Variants in MRC1 observed in about 807,000 individuals in gnomAD.
MRC1 encodes macrophage mannose receptor 1.
Under a neutral mutation model 102.9 loss-of-function variants are expected in MRC1, and 62 were observed. The observed-to-expected ratio is 0.60, with a 90% CI of 0.49 to 0.74. The LOEUF is 0.74. Ranked by LOEUF, MRC1 falls within the 30% of genes least tolerant of loss-of-function variation. The pLI is 0.00. For missense variants in MRC1, 1,237 were observed against 862.8 expected (o/e 1.43, Z -5.43); for synonymous variants, 457 against 298.4 (o/e 1.53, Z -5.48).
chr10:17,865,057 G>A (rs1459666730), intron 11 of MRC1, among the ~76,000 whole-genome samples: 2 of 152,256 alleles, frequency 1.3e-5, no homozygotes, highest in African/African-American at 4.8e-5. Context: ...TTTTTATACA[G>A]TGATATCACT....
At chr10:17,857,287 A>G (rs1833106826) in intron 9 of MRC1, among the ~76,000 whole-genome samples, 1 of 152,250 alleles carries the variant, frequency 6.6e-6, no homozygotes, top group East Asian at 1.9e-4. Flanking sequence ...AGGCAAGGGT[A>G]GAACCCAGGT....
intron 5 of MRC1, among the ~76,000 whole-genome samples, chr10:17,842,102 A>G (rs1300373540): frequency 6.6e-6 from 1 of 152,094 alleles, no homozygotes; most frequent in Non-Finnish European, 1.5e-5. Flanking sequence ...GGCTGGGATT[A>G]CAAGCATGCA....
chr10:17,897,108 G>A (rs1302230896), intron 23 of MRC1, among the ~76,000 whole-genome samples: 1 of 152,152 alleles, frequency 6.6e-6, no homozygotes, highest in Non-Finnish European at 1.5e-5. Context: ...ACATTTACAT[G>A]TCATGAAATA....
intron 26 of MRC1, among the ~76,000 whole-genome samples, chr10:17,904,267 T>C (rs956093218): frequency 6.6e-6 from 1 of 152,208 alleles, no homozygotes; most frequent in Non-Finnish European, 1.5e-5. Context: ...TACTGTTGAG[T>C]GCCCTTTTAT....
At chr10:17,829,230 A>G (rs1589167278) in intron 3 of MRC1, among the ~76,000 whole-genome samples, 1 of 151,524 alleles carries the variant, frequency 6.6e-6, no homozygotes, top group African/African-American at 2.5e-5. Context: ...AAGTAATCAC[A>G]CTATTTCAAG....
At chr10:17,826,516 A>G (rs1564610964) in intron 2 of MRC1, among the ~76,000 whole-genome samples, 1 of 115,636 alleles carries the variant, frequency 8.6e-6, no homozygotes, top group Non-Finnish European at 1.8e-5. Flanking sequence ...AAGTCGTAGA[A>G]TCTGCAAAAT....
intron 3 of MRC1, among the ~76,000 whole-genome samples, chr10:17,831,681 C>CT: frequency 6.6e-6 from 1 of 151,274 alleles, no homozygotes; most frequent in Non-Finnish European, 1.5e-5. Flanking sequence ...ATAATACTTC[C>CT]TTTTTTCCTT....
At position 17,849,706 on chromosome 10, in the gene MRC1, C is replaced by T. The variant is rs1288637249; in HGVS notation, c.1191C>T (p.Asp397=). ...CCACCTGCAGGAAGGAAGGCGGTGA[C>T]CTCACAAGTATCCACACCATCGAGG... ...ALTTCRKEGG[D]LTSIHTIEEL... Residue 397 remains aspartate (D), a synonymous_variant, in exon 7 of 30, where the codon GAC becomes GAT. Coordinates refer to ENST00000569591, the MANE Select transcript of MRC1 (RefSeq NM_002438.4). 17 of 780,828 alleles carry T rather than the reference C, an allele frequency of 2.2e-5. No individual in the cohort carries two copies. The African/African-American group carries it at 2.5e-4, about 12-fold the overall frequency. 48.4% of individuals were successfully genotyped at this position (780,828 alleles called of 1,614,324 possible). A position where few individuals can be genotyped will look rare whatever the true frequency, so the allele number is the denominator to read the frequency against.
At chr10:17,902,664 T>A (rs1833844075) in intron 26 of MRC1, among the ~76,000 whole-genome samples, 1 of 152,218 alleles carries the variant, frequency 6.6e-6, no homozygotes, top group Non-Finnish European at 1.5e-5. Context: ...TATATTTACT[T>A]CATGTTTTTT....
chr10:17,871,863 G>GA (rs1268343106), intron 14 of MRC1, 119 bp from the exon 15 acceptor site: 55 of 695,328 alleles, frequency 7.9e-5, no homozygotes, highest in Non-Finnish European at 1.3e-4. Flanking sequence ...AAGCTATTGT[G>GA]AAAAAAAAGT....
At chr10:17,865,778 G>A (rs1458647591) in intron 11 of MRC1, among the ~76,000 whole-genome samples, 2 of 152,188 alleles carry the variant, frequency 1.3e-5, no homozygotes, top group African/African-American at 4.8e-5. Flanking sequence ...AACCCTTGAG[G>A]TGTCAGGGAA....
chr10:17,817,223 C>G lies in MRC1; in HGVS notation c.62-5851C>G, dbSNP rs1449104903. On this transcript the variant is annotated intron_variant, in intron 1 of 29. Transcript: ENST00000569591. Reference sequence around the variant, plus strand: ...TGAGATCACACCACTGCACTCCAGCCTGGGCGACAGAGTGACTCTGTCTCA... The same window carrying G: ...TGAGATCACACCACTGCACTCCAGCGTGGGCGACAGAGTGACTCTGTCTCA... 1.0e-4 allele frequency among the ~76,000 whole-genome samples: 15 copies of G among 147,342 alleles called. No individual in the cohort carries two copies. In the East Asian group the frequency reaches 2.0e-3, roughly 19 times the overall value.
intron 7 of MRC1, among the ~76,000 whole-genome samples, chr10:17,850,575 A>G (rs1358435097): frequency 6.6e-6 from 1 of 152,212 alleles, no homozygotes; most frequent in Admixed American, 6.5e-5. Context: ...GAGCGGCTTG[A>G]GAAACAGCAT....
intron 26 of MRC1, among the ~76,000 whole-genome samples, chr10:17,904,794 C>T (rs1833874951): frequency 6.6e-6 from 1 of 152,152 alleles, no homozygotes; most frequent in Non-Finnish European, 1.5e-5. Context: ...TGCACATAGC[C>T]TTGGGCAAGG....
At chr10:17,896,161 T>A (rs1482266552) in intron 23 of MRC1, among the ~76,000 whole-genome samples, 1 of 152,140 alleles carries the variant, frequency 6.6e-6, no homozygotes, top group Non-Finnish European at 1.5e-5. Flanking sequence ...TGAGTAGAGT[T>A]CTTAAAGGAT....
chr10:17,828,368 C>T (rs1190473169), intron 3 of MRC1, among the ~76,000 whole-genome samples: 1 of 151,498 alleles, frequency 6.6e-6, no homozygotes, highest in Non-Finnish European at 1.5e-5. Flanking sequence ...AGCCGGCGCG[C>T]CCGACTATGA....
chr10:17,829,948 C>T (rs1031983296), intron 3 of MRC1, among the ~76,000 whole-genome samples: 1 of 151,430 alleles, frequency 6.6e-6, no homozygotes, highest in Non-Finnish European at 1.5e-5. Flanking sequence ...TATGCCTTCA[C>T]TGTCAAATTA....
At chr10:17,866,907 CG>C in intron 12 of MRC1, 146 bp downstream of exon 12, 1 of 713,228 alleles carries the variant, frequency 1.4e-6, no homozygotes, top group Non-Finnish European at 2.6e-6. Context: ...TTGATTAACC[CG>C]GGGATCAATT....
At chr10:17,904,709 T>C (rs1271745857) in intron 26 of MRC1, among the ~76,000 whole-genome samples, 2 of 152,306 alleles carry the variant, frequency 1.3e-5, no homozygotes, top group South Asian at 2.1e-4. Context: ...CTGCCTTAGC[T>C]TTCACTTCCT....
Sources: gnomAD v4.1 joint callset for allele counts (sites outside exome capture counted in the v4.1 genomes callset) on GRCh38, gnomAD v4.1.1 for gene constraint, MANE v1.5 for transcripts, NCBI Gene and HGNC (gene_info 2026-07-23, HGNC 2026-07-21) for gene names.